SLC25A46: variants seen among roughly 807,000 people sequenced by gnomAD.
The protein encoded by SLC25A46 is solute carrier family 25 member 46, also known as mitochondrial outer membrane protein SLC25A46.
In SLC25A46, 39 loss-of-function variants were observed where a neutral mutation model predicts 44.6. That is an observed-to-expected ratio of 0.87 (90% CI 0.68 to 1.14). The LOEUF is 1.14. Ranked by LOEUF, SLC25A46 falls within the 50% of genes most tolerant of loss-of-function variation. The pLI is 0.00. For synonymous variants in SLC25A46, 202 were observed against 185.8 expected, an observed-to-expected ratio of 1.09 and a Z score of -0.71; for missense variants, 547 against 522.7, an observed-to-expected ratio of 1.05 and a Z score of -0.45.
rs1417434094 is a variant in SLC25A46 at position 110,739,113 on chromosome 5, C to T, written c.-7C>T. 5 of 1,545,772 alleles carry T rather than the reference C, an allele frequency of 3.2e-6. No homozygotes were observed. Among genetic ancestry groups the T allele is most frequent in the South Asian group, 1.2e-5 (1 of 83,942 alleles). Reference sequence around the variant, plus strand: ...GGGCGGGCTCGCGTCATCCTGCCCCCGCTGCGATGCATCCGCGGCGCCCGG... The same window carrying T: ...GGGCGGGCTCGCGTCATCCTGCCCCTGCTGCGATGCATCCGCGGCGCCCGG... On this transcript the variant is annotated 5_prime_UTR_variant, in exon 1 of 8. Coordinates refer to ENST00000355943, the MANE Select transcript of SLC25A46 (RefSeq NM_138773.4).
upstream of SLC25A46, chr5:110,738,391 C>T (rs1314032704): frequency 1.9e-6 from 1 of 526,166 alleles, no homozygotes; most frequent in African/African-American, 2.1e-5. Flanking sequence ...TTCTTTACAG[C>T]CTTAGAAAAG....
chr5:110,749,097 G>C (rs1259652090), intron 5 of SLC25A46, among the ~76,000 whole-genome samples: 1 of 152,060 alleles, frequency 6.6e-6, no homozygotes, highest in African/African-American at 2.4e-5. Flanking sequence ...AAGTATAGTC[G>C]ATGGTCATTA....
Position 110,764,305 on chromosome 5 carries a change from T to C in SLC25A46, c.*2523T>C, listed in dbSNP as rs890044731. On this transcript the variant is annotated 3_prime_UTR_variant, in exon 8 of 8. Transcript: ENST00000355943. The stretch of plus-strand genomic sequence containing the variant: ...AAAGTGAACTTACGAATTAACTTAC[T>C]AAATACATATATGTAGACCTTCCCG... 2 of 151,868 alleles carry C rather than the reference T, an allele frequency of 1.3e-5. No homozygotes were observed. Among genetic ancestry groups the C allele is most frequent in the Non-Finnish European group, 2.9e-5 (2 of 67,876 alleles). 9.4% of individuals were successfully genotyped at this position (151,868 alleles called of 1,614,324 possible).
intron 5 of SLC25A46, 192 bp from the exon 6 acceptor site, chr5:110,755,273 G>A: frequency 2.4e-6 from 1 of 419,536 alleles, no homozygotes; most frequent in Non-Finnish European, 4.3e-6. Flanking sequence ...AAAACACCTT[G>A]TATTTTTTTC....
At chr5:110,754,217 C>A (rs137976689) in intron 5 of SLC25A46, 151 of 151,630 alleles carry the variant, frequency 1.0e-3, no homozygotes, top group African/African-American at 3.6e-3. Context: ...TATCTAGATT[C>A]CTGCTGTAGC....
intron 4 of SLC25A46, among the ~76,000 whole-genome samples, chr5:110,746,824 C>T (rs115067158): frequency 0.024 from 3,651 of 152,012 alleles, 46 homozygotes; most frequent in African/African-American, 0.032. Flanking sequence ...TTAAAGTAGA[C>T]GTGTGAAGGC....
In SLC25A46 at chr5:110,761,892, A is replaced by C. The variant is rs1800262308; in HGVS notation, c.*110A>C. 4 of 906,566 alleles carry C rather than the reference A, an allele frequency of 4.4e-6. No homozygotes were observed. The highest frequency in any genetic ancestry group is 2.8e-5 in the Admixed American group (1 of 35,382). The allele number at this position is 906,566 out of a possible 1,614,324, so 56.2% of individuals were successfully genotyped here. ...GGGGAAGAAAATGGATTGGAAAGTA[A>C]AATTGGTACTAAAGCCCATACTGAT... is the stretch of plus-strand genomic sequence containing the variant. On this transcript the variant is annotated 3_prime_UTR_variant, in exon 8 of 8. Coordinates refer to ENST00000355943, the MANE Select transcript of SLC25A46 (RefSeq NM_138773.4). This position sits in a 1 kb window ranked among gnomAD's most constrained non-coding sequence, Gnocchi z 5.3.
upstream of SLC25A46, chr5:110,738,900 GT>G: frequency 4.0e-6 from 5 of 1,257,752 alleles, no homozygotes; most frequent in Non-Finnish European, 5.3e-6. Context: ...TAAGGTCCAG[GT>G]TACCGCCGCG....
intron 5 of SLC25A46, among the ~76,000 whole-genome samples, chr5:110,749,249 C>G (rs1027358108): frequency 1.3e-5 from 2 of 150,784 alleles, no homozygotes; most frequent in Non-Finnish European, 2.9e-5. Flanking sequence ...ATTTATCTTT[C>G]AATAAATGAA....
chr5:110,739,236 G>A lies in SLC25A46; in HGVS notation c.117G>A (p.Leu39=). 1 of 1,580,378 alleles carries A rather than the reference G, an allele frequency of 6.3e-7. No homozygotes were observed. Among genetic ancestry groups the A allele is most frequent in the Non-Finnish European group, 8.6e-7 (1 of 1,163,818 alleles). ...PARSFSTGSD[L]GHWVTTPPDI... ...GGTCCTTCAGCACCGGGTCGGACCT[G>A]GGCCACTGGGTGACGACTCCCCCAG... Residue 39 remains leucine, a synonymous_variant, in exon 1 of 8, where the codon CTG becomes CTA. Transcript: ENST00000355943.
In SLC25A46 at chr5:110,761,912, A is replaced by G. The variant is rs1800263286; in HGVS notation, c.*130A>G. The G allele has an allele frequency of 5.4e-6, 4 of 742,082 alleles. No homozygotes were observed. The highest frequency in any genetic ancestry group is 3.6e-5 in the African/African-American group (2 of 56,316). 46.0% of individuals were successfully genotyped at this position (742,082 alleles called of 1,614,324 possible). A position where few individuals can be genotyped will look rare whatever the true frequency, so the allele number is the denominator to read the frequency against. ...AAGTAAAATTGGTACTAAAGCCCAT[A>G]CTGATTATCTTGACTTTGTTTTTTA... On this transcript the variant is annotated 3_prime_UTR_variant, in exon 8 of 8. Transcript: ENST00000355943. This position sits in a 1 kb window ranked among gnomAD's most constrained non-coding sequence, Gnocchi z 5.3.
intron 1 of SLC25A46, among the ~76,000 whole-genome samples, chr5:110,740,023 T>C (rs193137905): frequency 6.6e-6 from 1 of 152,170 alleles, no homozygotes; most frequent in African/African-American, 2.4e-5. Flanking sequence ...CTTCCTATAA[T>C]TTTCCTTTCT....
At chr5:110,759,507 A>T (rs547811480) in intron 7 of SLC25A46, among the ~76,000 whole-genome samples, 3 of 152,166 alleles carry the variant, frequency 2.0e-5, no homozygotes, top group Non-Finnish European at 2.9e-5. Flanking sequence ...GAGGGAAAGC[A>T]GGTGCAAAAA....
chr5:110,756,101 G>C (rs2150415775), intron 6 of SLC25A46: 1 of 152,248 alleles, frequency 6.6e-6, no homozygotes, highest in South Asian at 2.1e-4. Flanking sequence ...TACTTGCCAG[G>C]ACCTGGCCCA....
chr5:110,753,366 CAG>C (rs1344816605), intron 5 of SLC25A46: 1 of 146,730 alleles, frequency 6.8e-6, no homozygotes, highest in Non-Finnish European at 1.5e-5. Flanking sequence ...ACTGCTGAGA[CAG>C]AGTTATTTTA....
At chr5:110,743,237 TA>T (rs1159913912) in intron 2 of SLC25A46, among the ~76,000 whole-genome samples, 1 of 152,080 alleles carries the variant, frequency 6.6e-6, no homozygotes, top group Non-Finnish European at 1.5e-5. Flanking sequence ...AAGAATCTTA[TA>T]ATTTAAGATT....
At chr5:110,740,162 A>C (rs1249525331) in intron 1 of SLC25A46, among the ~76,000 whole-genome samples, 1 of 152,250 alleles carries the variant, frequency 6.6e-6, no homozygotes, top group East Asian at 1.9e-4. Context: ...ACACTGCATG[A>C]TGTAGATATT....
chr5:110,745,707 G>A (rs997604613), intron 3 of SLC25A46: 4 of 152,226 alleles, frequency 2.6e-5, no homozygotes, highest in Non-Finnish European at 5.9e-5. Context: ...GACTGTATGT[G>A]CCACAGAACA....
intron 5 of SLC25A46, among the ~76,000 whole-genome samples, chr5:110,750,292 CT>C (rs1449459761): frequency 6.6e-6 from 1 of 150,394 alleles, no homozygotes; most frequent in Admixed American, 6.6e-5. Context: ...GTTTGGCTAA[CT>C]ATTCACTTTA....
Sources: allele counts gnomAD v4.1 joint callset (sites outside exome capture counted in the v4.1 genomes callset), GRCh38; gene constraint gnomAD v4.1.1; non-coding constraint Gnocchi (gnomAD v3.1); transcripts MANE v1.5; gene names NCBI Gene and HGNC (gene_info 2026-07-23, HGNC 2026-07-21).